The following TRAK1 variants were observed in gnomAD, a reference collection of about 807,000 sequenced individuals.
The protein encoded by TRAK1 is trafficking kinesin-binding protein 1.
A neutral mutation model predicts 92.1 loss-of-function variants in TRAK1; 33 were observed. The observed-to-expected ratio is 0.36, with a 90% confidence interval of 0.27 to 0.48. The LOEUF is 0.48. TRAK1 is among the 20% of genes least tolerant of loss of function. TRAK1 has a pLI of 0.99. For missense variants in TRAK1, 1,123 were observed against 1,257.9 expected (o/e 0.89, Z 1.62); for synonymous variants, 521 against 517.3 (o/e 1.01, Z -0.10).
At chr3:42,203,311 C>G (rs906990129) in intron 13 of TRAK1, 12 of 990,020 alleles carry the variant, frequency 1.2e-5, no homozygotes, top group Admixed American at 6.1e-5. Flanking sequence ...GTTCTGAGCG[C>G]GGCTCCTAGA....
chr3:42,141,482 G>A (rs1335114900), intron 2 of TRAK1, among the ~76,000 whole-genome samples: 1 of 152,134 alleles, frequency 6.6e-6, no homozygotes, highest in African/African-American at 2.4e-5. Context: ...CTCAGCAGCT[G>A]TGTTAGATTC....
chr3:42,050,502 T>C (rs1015280359), intron 1 of TRAK1, among the ~76,000 whole-genome samples: 3 of 152,136 alleles, frequency 2.0e-5, no homozygotes, highest in African/African-American at 7.2e-5. Flanking sequence ...TTAGAGTTCA[T>C]CGCTTTTCCT....
intron 14 of TRAK1, chr3:42,212,427 G>C (rs1392402797): frequency 1.0e-6 from 1 of 985,304 alleles, no homozygotes; most frequent in African/African-American, 1.7e-5. Context: ...TTGTATGCTA[G>C]GCACTTTTGT....
At chr3:42,147,038 G>A (rs954503986) in intron 2 of TRAK1, among the ~76,000 whole-genome samples, 6 of 152,018 alleles carry the variant, frequency 3.9e-5, no homozygotes, top group African/African-American at 4.8e-5. Flanking sequence ...TCGGGACACC[G>A]GACTCCATTC....
At chr3:42,140,627 T>C (rs916275614) in intron 2 of TRAK1, among the ~76,000 whole-genome samples, 53 of 152,274 alleles carry the variant, frequency 3.5e-4, no homozygotes, top group African/African-American at 1.2e-3. Context: ...ACTCCATCTC[T>C]GAATAAATGA....
chr3:42,143,308 CTT>C (rs369435084), intron 2 of TRAK1, among the ~76,000 whole-genome samples: 16 of 139,254 alleles, frequency 1.1e-4, no homozygotes, highest in African/African-American at 3.7e-4. Context: ...TGTACCTCTT[CTT>C]TTTTTTTTTT....
chr3:42,064,443 A>G (rs1334433083), intron 1 of TRAK1, among the ~76,000 whole-genome samples: 2 of 152,190 alleles, frequency 1.3e-5, no homozygotes, highest in Non-Finnish European at 2.9e-5. Context: ...AATAAAATAA[A>G]TTTTTGAACT....
intron 1 of TRAK1, among the ~76,000 whole-genome samples, chr3:42,103,632 G>A (rs998591393): frequency 2.0e-5 from 3 of 152,094 alleles, no homozygotes; most frequent in Non-Finnish European, 4.4e-5. Flanking sequence ...GGCTGGGCTC[G>A]TGTCTGTGAT....
At chr3:42,055,049 A>G (rs1703144793) in intron 1 of TRAK1, among the ~76,000 whole-genome samples, 1 of 150,840 alleles carries the variant, frequency 6.6e-6, no homozygotes, top group African/African-American at 2.4e-5. Flanking sequence ...CCTCCATAGT[A>G]GCTGGATTTA....
intron 1 of TRAK1, among the ~76,000 whole-genome samples, chr3:42,078,528 C>T (rs547887789): frequency 2.6e-5 from 4 of 151,802 alleles, no homozygotes; most frequent in Middle Eastern, 3.4e-3. Flanking sequence ...CTGAGGCAGG[C>T]GGATCATGAG....
At chr3:42,056,358 C>T (rs940352357) in intron 1 of TRAK1, among the ~76,000 whole-genome samples, 2 of 152,084 alleles carry the variant, frequency 1.3e-5, no homozygotes, top group African/African-American at 4.8e-5. Context: ...TATTATCTGT[C>T]TTTTTGATTA....
rs145503365 is a variant in TRAK1 at position 42,168,150 on chromosome 3, A to G, written c.287-8664A>G. Reference sequence around the variant, plus strand: ...TCTGACTAAATTTTATTTAATAACAATTTTCTAATTTTAAAATAGTCTAGT... The same window carrying G: ...TCTGACTAAATTTTATTTAATAACAGTTTTCTAATTTTAAAATAGTCTAGT... On this transcript the variant is annotated intron_variant, in intron 2 of 15. Transcript: ENST00000327628. Among the ~76,000 whole-genome samples, 600 of 152,282 alleles carry G rather than the reference A, an allele frequency of 3.9e-3. 5 individuals are homozygous for G. Among genetic ancestry groups the G allele is most frequent in the African/African-American group, 0.013 (554 of 41,568 alleles).
chr3:42,112,135 C>CTTT (rs1223261204), intron 1 of TRAK1, among the ~76,000 whole-genome samples: 90 of 71,030 alleles, frequency 1.3e-3, no homozygotes, highest in East Asian at 1.9e-3. Flanking sequence ...TCAGCTCTTA[C>CTTT]TTTTTTTTTT....
At chr3:42,206,798 A>G (rs1708383602) in intron 13 of TRAK1, among the ~76,000 whole-genome samples, 1 of 152,232 alleles carries the variant, frequency 6.6e-6, no homozygotes, top group East Asian at 1.9e-4. Context: ...GAATGCAAGT[A>G]ATTCCATGCA....
intron 2 of TRAK1, among the ~76,000 whole-genome samples, chr3:42,151,588 A>AT (rs1169573994): frequency 1.3e-5 from 2 of 152,200 alleles, no homozygotes; most frequent in Non-Finnish European, 2.9e-5. Context: ...TCATACTCCC[A>AT]TTTAAAGAGG....
intron 1 of TRAK1, among the ~76,000 whole-genome samples, chr3:42,118,866 A>G (rs1709499253): frequency 6.6e-6 from 1 of 152,210 alleles, no homozygotes; most frequent in Non-Finnish European, 1.5e-5. Context: ...TTGAGGGGAC[A>G]TTTACCATCC....
chr3:42,160,342 G>A (rs371720812), intron 2 of TRAK1: 7 of 1,613,700 alleles, frequency 4.3e-6, no homozygotes, highest in Non-Finnish European at 5.9e-6. Context: ...TGATGTTTTG[G>A]CTTTGGGGTG....
chr3:42,137,705 T>C (rs1698124506), intron 2 of TRAK1, among the ~76,000 whole-genome samples: 1 of 152,198 alleles, frequency 6.6e-6, no homozygotes, highest in Non-Finnish European at 1.5e-5. Context: ...GAGTAGTTGA[T>C]ATCTCTGTGT....
At chr3:42,201,198 C>T in intron 12 of TRAK1, 144 bp downstream of exon 12, 1 of 854,386 alleles carries the variant, frequency 1.2e-6, no homozygotes, top group South Asian at 1.7e-5. Flanking sequence ...GTGGCTCGCG[C>T]CTATAATCCT....
Sources: allele counts gnomAD v4.1 joint callset (sites outside exome capture counted in the v4.1 genomes callset), GRCh38; gene constraint gnomAD v4.1.1; transcripts MANE v1.5; gene names NCBI Gene and HGNC (gene_info 2026-07-23, HGNC 2026-07-21).